ZNF333: variants seen among roughly 807,000 people sequenced by gnomAD.
ZNF333 encodes zinc finger protein 333.
Under a neutral mutation model 76.1 loss-of-function variants are expected in ZNF333, and 61 were observed. That is an observed-to-expected ratio of 0.80 (90% CI 0.65 to 0.99). ZNF333 has a LOEUF of 0.99. Ranked by LOEUF, ZNF333 falls within the 50% of genes least tolerant of loss-of-function variation. The probability of loss-of-function intolerance (pLI) is 0.00; values close to 1 mark genes in which losing one functional copy is unlikely to be tolerated. For synonymous variants in ZNF333, 284 were observed against 305.0 expected, an observed-to-expected ratio of 0.93 and a Z score of 0.72; for missense variants, 717 against 822.4, an observed-to-expected ratio of 0.87 and a Z score of 1.57.
chr19:14,715,239 C>CTGCATGTGTGTGTCCCTGTGAGTGTG (rs1237700679), intron 7 of ZNF333, 143 bp from the exon 8 acceptor site: 15 of 648,958 alleles, frequency 2.3e-5, no homozygotes, highest in Non-Finnish European at 4.0e-5. Flanking sequence ...AGATATGTGT[C>CTGCATGTGTGTGTCCCTGTGAGTGTG]TGCATGTGTG....
chr19:14,717,034 A>G lies in ZNF333; in HGVS notation c.768A>G (p.Glu256=). Residue 256 remains glutamate, a synonymous_variant, in exon 10 of 12, where the codon GAA becomes GAG. Coordinates refer to ENST00000292530, the MANE Select transcript of ZNF333 (RefSeq NM_032433.4). ...LCKPNALSYL[E]ERGEQWTTDR... ...AACCCAATGCGTTGTCTTATTTGGA[A>G]GAAAGAGGAGAGCAGTGGACCACTG... The G allele has an allele frequency of 6.2e-7, 1 of 1,612,128 alleles. No individual in the cohort carries two copies. Among genetic ancestry groups the G allele is most frequent in the Non-Finnish European group, 8.5e-7 (1 of 1,179,032 alleles).
At chr19:14,700,415 C>A (rs1193303096) in intron 5 of ZNF333, 1 of 152,168 alleles carries the variant, frequency 6.6e-6, no homozygotes, top group Non-Finnish European at 1.5e-5. Context: ...GAGCTGTAAC[C>A]TGGATGTGGG....
chr19:14,699,153 CTATT>C (rs755660445), intron 4 of ZNF333, 42 bp from the exon 5 acceptor site: 1 of 1,410,562 alleles, frequency 7.1e-7, no homozygotes, highest in South Asian at 1.1e-5. Context: ...ATTAATGTCA[CTATT>C]TCTTTCTGAA....
chr19:14,693,383 G>C, intron 1 of ZNF333, 68 bp from the exon 2 acceptor site: 4 of 1,285,540 alleles, frequency 3.1e-6, no homozygotes, highest in Non-Finnish European at 4.3e-6. Context: ...CACTCTGCTG[G>C]AGATCCCCCA....
At chr19:14,715,265 G>T in intron 7 of ZNF333, 117 bp from the exon 8 acceptor site, 1 of 773,584 alleles carries the variant, frequency 1.3e-6, no homozygotes. Context: ...CTGTGAGTGT[G>T]TGCATGTGTG....
intron 7 of ZNF333, among the ~76,000 whole-genome samples, chr19:14,709,529 A>T (rs2042217798): frequency 6.6e-6 from 1 of 152,190 alleles, no homozygotes; most frequent in Non-Finnish European, 1.5e-5. Flanking sequence ...TGCAGACTGA[A>T]TTGTGCTCCC....
In ZNF333 at chr19:14,721,151, A is replaced by C; in HGVS notation, c.*1826A>C. The C allele has an allele frequency of 4.0e-6, 1 of 250,372 alleles. No individual in the cohort carries two copies. Among genetic ancestry groups the C allele is most frequent in the Non-Finnish European group, 6.3e-6 (1 of 158,188 alleles). The allele number at this position is 250,372 out of a possible 1,614,324, so 15.5% of individuals were successfully genotyped here. On this transcript the variant is annotated 3_prime_UTR_variant, in exon 12 of 12. Transcript: ENST00000292530. Reference sequence around the variant, plus strand: ...TTTGAGGTATGTACTGTTATCCCCAATTCCCAGATGAGGAAGCTGAGGCCC... The same window carrying C: ...TTTGAGGTATGTACTGTTATCCCCACTTCCCAGATGAGGAAGCTGAGGCCC...
At position 14,719,104 on chromosome 19, in the gene ZNF333, C is replaced by T; in HGVS notation, c.1777C>T (p.Gln593Ter). The T allele has an allele frequency of 1.2e-6, 2 of 1,614,110 alleles. No individual in the cohort carries two copies. Among genetic ancestry groups the T allele is most frequent in the South Asian group, 1.1e-5 (1 of 91,078 alleles). Reference protein sequence around the residue: ...THSGKKPYACQECGRAFGQSS... With the variant: ...THSGKKPYAC ...CAGTGGCAAGAAGCCCTATGCATGC[C>T]AGGAATGCGGGCGAGCCTTTGGTCA... The change falls in exon 12 of 12, where the codon CAG becomes TAG. Residue 593 changes from glutamine (Q) to a stop codon, truncating the protein, a stop_gained. Coordinates refer to ENST00000292530, the MANE Select transcript of ZNF333 (RefSeq NM_032433.4). LOFTEE classifies it high-confidence loss of function.
chr19:14,725,046 C>T (rs575768493), downstream of ZNF333, among the ~76,000 whole-genome samples: 16 of 152,294 alleles, frequency 1.1e-4, 2 homozygotes, highest in South Asian at 3.3e-3. Context: ...GCAGGCTCTA[C>T]AAGCATGGCA....
intron 6 of ZNF333, 131 bp downstream of exon 6, chr19:14,705,301 G>T: frequency 1.4e-6 from 1 of 735,480 alleles, no homozygotes; most frequent in Non-Finnish European, 2.2e-6. Flanking sequence ...CCAGGCTGTG[G>T]GCTTGGGGTG....
At chr19:14,704,130 A>C (rs1168321728) in intron 5 of ZNF333, among the ~76,000 whole-genome samples, 3 of 151,888 alleles carry the variant, frequency 2.0e-5, no homozygotes, top group Non-Finnish European at 2.9e-5. Flanking sequence ...TCTATAGTGA[A>C]ATGTCTCATA....
At chr19:14,725,184 T>G (rs982496059), downstream of ZNF333, among the ~76,000 whole-genome samples, 23 of 152,056 alleles carry the variant, frequency 1.5e-4, no homozygotes, top group African/African-American at 5.6e-4. Flanking sequence ...CATGCTCTTT[T>G]AAACAACCAG....
intron 7 of ZNF333, 113 bp from the exon 8 acceptor site, chr19:14,715,269 A>G: frequency 1.2e-6 from 1 of 807,390 alleles, no homozygotes; most frequent in Non-Finnish European, 2.0e-6. Flanking sequence ...GAGTGTGTGC[A>G]TGTGTGTGTG....
chr19:14,720,285 TCA>T lies in ZNF333; in HGVS notation c.*962_*963del, dbSNP rs964313948. On this transcript the variant is annotated 3_prime_UTR_variant, in exon 12 of 12. Transcript: ENST00000292530. ...TCCTGGCTAGTATGAATATGAGAAG[TCA>T]CTGGATGTGACTCTGGGGAAGATAT... The T allele has an allele frequency of 4.5e-5, 44 of 985,208 alleles. No individual in the cohort carries two copies. Among genetic ancestry groups the T allele is most frequent in the Middle Eastern group, 1.0e-3 (2 of 1,936 alleles). 61.0% of individuals were successfully genotyped at this position (985,208 alleles called of 1,614,324 possible). A position where few individuals can be genotyped will look rare whatever the true frequency, so the allele number is the denominator to read the frequency against.
In ZNF333 at chr19:14,717,739, G is replaced by C; in HGVS notation, c.900+6G>C. ...TGTCCATTGATGTGAAAGGGGTAAG[G>C]CTCACCAGGGATTATTCATGGTTCT... On this transcript the variant is annotated splice_donor_region_variant and intron_variant, in intron 11 of 11. Coordinates refer to ENST00000292530, the MANE Select transcript of ZNF333 (RefSeq NM_032433.4). 1 of 1,613,146 alleles carries C rather than the reference G, an allele frequency of 6.2e-7. No homozygotes were observed. Among genetic ancestry groups the C allele is most frequent in the African/African-American group, 1.3e-5 (1 of 75,000 alleles).
intron 11 of ZNF333, among the ~76,000 whole-genome samples, chr19:14,729,100 T>G (rs1599766576): frequency 6.6e-6 from 1 of 152,142 alleles, no homozygotes; most frequent in Non-Finnish European, 1.5e-5. Flanking sequence ...AGTTATTGAT[T>G]AGTGCCGACG....
At chr19:14,731,354 C>A in exon 12 of ZNF333, 1 of 664,696 alleles carries the variant, frequency 1.5e-6, no homozygotes, top group Non-Finnish European at 2.5e-6. Flanking sequence ...CCGTGACATC[C>A]GGGCTCCTTA....
At chr19:14,691,128 A>T in intron 1 of ZNF333, among the ~76,000 whole-genome samples, 1 of 151,924 alleles carries the variant, frequency 6.6e-6, no homozygotes, top group Non-Finnish European at 1.5e-5. Context: ...GGAGTTCTTA[A>T]TTTTTTTTGT....
At position 14,720,543 on chromosome 19, in the gene ZNF333, A is replaced by G. The variant is rs2042564105; in HGVS notation, c.*1218A>G. 3.0e-6 allele frequency: 3 copies of G among 985,418 alleles called. No individual in the cohort carries two copies. Among genetic ancestry groups the G allele is most frequent in the Non-Finnish European group, 3.6e-6 (3 of 829,912 alleles). 61.0% of individuals were successfully genotyped at this position (985,418 alleles called of 1,614,324 possible). A position where few individuals can be genotyped will look rare whatever the true frequency, so the allele number is the denominator to read the frequency against. On this transcript the variant is annotated 3_prime_UTR_variant, in exon 12 of 12. Transcript: ENST00000292530. ...TATGTGATTGCAGCAGCCCTGGACT[A>G]TTTATTTCTGGATGTCCCATACATG...
Sources: allele counts gnomAD v4.1 joint callset (sites outside exome capture counted in the v4.1 genomes callset), GRCh38; gene constraint gnomAD v4.1.1; transcripts MANE v1.5; gene names NCBI Gene and HGNC (gene_info 2026-07-23, HGNC 2026-07-21).